Variants in SLC7A7 observed in about 807,000 individuals in gnomAD.
The protein encoded by SLC7A7 is Y+L amino acid transporter 1.
Under a neutral mutation model 47.9 loss-of-function variants are expected in SLC7A7, and 39 were observed. The observed-to-expected ratio is 0.81, with a 90% CI of 0.63 to 1.06. SLC7A7 has a LOEUF of 1.06. Among genes scored for constraint, SLC7A7 ranks in the 50% least tolerant of loss-of-function variants. The pLI, the probability that SLC7A7 is intolerant of heterozygous loss-of-function variation, is 0.00. For missense variants in SLC7A7, 588 were observed against 632.0 expected (o/e 0.93, Z 0.75); for synonymous variants, 234 against 242.8 (o/e 0.96, Z 0.34).
rs578101760 is a variant in SLC7A7, at chr14:22,782,847, C to G, written c.500-2796G>C. Among the ~76,000 whole-genome samples the G allele has an allele frequency of 2.6e-5, 4 of 151,852 alleles. No homozygotes were observed. The South Asian group carries it at 8.3e-4, about 32-fold the overall frequency. ...GAGAAATCATAGCTCACTGCAGCAT[C>G]GAACTCCTGAGCTCAAGGGATCCTC... On this transcript the variant is annotated intron_variant, in intron 2 of 9. Coordinates refer to ENST00000674313, the MANE Select transcript of SLC7A7 (RefSeq NM_003982.4).
intron 2 of SLC7A7, among the ~76,000 whole-genome samples, chr14:22,801,377 G>A (rs2039110574): frequency 6.6e-6 from 1 of 152,024 alleles, no homozygotes; most frequent in Non-Finnish European, 1.5e-5. Context: ...TCGCCATTCA[G>A]GTATCAGCTC....
At chr14:22,778,014 G>A (rs1381072062) in intron 4 of SLC7A7, among the ~76,000 whole-genome samples, 2 of 152,144 alleles carry the variant, frequency 1.3e-5, no homozygotes, top group African/African-American at 4.8e-5. Flanking sequence ...GGCAGAGGTT[G>A]CAATGAGCCA....
chr14:22,776,629 T>TG (rs770155672), intron 4 of SLC7A7, among the ~76,000 whole-genome samples: 13 of 152,016 alleles, frequency 8.6e-5, no homozygotes, highest in Non-Finnish European at 1.6e-4. Context: ...GTCTAGGAGT[T>TG]GGAGACCAGC....
At chr14:22,780,089 ACCAC>A in intron 2 of SLC7A7, 38 bp from the exon 3 acceptor site, 1 of 1,612,548 alleles carries the variant, frequency 6.2e-7, no homozygotes, top group Non-Finnish European at 8.5e-7. Context: ...ACTTACCCTT[ACCAC>A]CCTAGGGCCT....
At chr14:22,811,355 G>C (rs937209009) in intron 2 of SLC7A7, among the ~76,000 whole-genome samples, 1 of 152,186 alleles carries the variant, frequency 6.6e-6, no homozygotes, top group Admixed American at 6.5e-5. Flanking sequence ...ACAGTTGCAG[G>C]GTGGAAGGCA....
At chr14:22,792,775 T>C (rs1312785351) in intron 2 of SLC7A7, among the ~76,000 whole-genome samples, 2 of 150,162 alleles carry the variant, frequency 1.3e-5, no homozygotes, top group African/African-American at 2.4e-5. Flanking sequence ...GAGAATCATT[T>C]TGAACCCAGG....
rs1954449334 is a variant in SLC7A7 at position 22,774,363 on chromosome 14, A to G, written c.1236T>C (p.Arg412=). The change falls in exon 8 of 10, where the codon CGT becomes CGC. Residue 412 remains arginine (R), a synonymous_variant. Coordinates refer to ENST00000674313, the MANE Select transcript of SLC7A7 (RefSeq NM_003982.4). ...GATGGAGTTGCCTTACCTTGAGGGG[A>G]CGAGGTCGATCAGGCTCCTTCCAGC... The part of the protein sequence containing the change: ...YLRWKEPDRP[R]PLKLSVFFPI... 6.2e-7 allele frequency: 1 copy of G among 1,614,100 alleles called. No individual in the cohort carries two copies. Among genetic ancestry groups the G allele is most frequent in the East Asian group, 2.2e-5 (1 of 44,880 alleles).
chr14:22,786,058 C>T (rs1277959773), intron 2 of SLC7A7, among the ~76,000 whole-genome samples: 3 of 148,300 alleles, frequency 2.0e-5, no homozygotes, highest in Non-Finnish European at 4.5e-5. Context: ...CAGTGGCTCA[C>T]GCCTGTAATC....
chr14:22,786,966 G>A (rs1018485570), intron 2 of SLC7A7, among the ~76,000 whole-genome samples: 15 of 152,232 alleles, frequency 9.9e-5, no homozygotes, highest in African/African-American at 3.6e-4. Context: ...TTTCCCCCCA[G>A]ATACAGGACT....
chr14:22,774,180 C>T (rs2038544473), intron 8 of SLC7A7, 64 bp from the exon 9 acceptor site: 1 of 1,598,404 alleles, frequency 6.3e-7, no homozygotes, highest in African/African-American at 1.3e-5. Context: ...AAAATAACCC[C>T]ACCTCCCATA....
chr14:22,813,470 T>G (rs2039355912), intron 1 of SLC7A7, 30 bp from the exon 2 acceptor site: 1 of 1,588,966 alleles, frequency 6.3e-7, no homozygotes, highest in East Asian at 2.2e-5. Flanking sequence ...TGCTATAGAT[T>G]AGGTGGTTGG....
rs531862402 is a variant in SLC7A7 at position 22,775,438 on chromosome 14, A to G, written c.1095+6T>C. 1.4e-4 allele frequency: 229 copies of G among 1,612,026 alleles called. 1 individual carries two copies. In the South Asian group the frequency reaches 2.2e-3, roughly 15 times the overall value. ...GGCTTTCAGTCTCATCCTTGAGTTCACTTACATTGAAGAGCAGAGAAGGCA... is the reference window on the plus strand; with the variant it reads ...GGCTTTCAGTCTCATCCTTGAGTTCGCTTACATTGAAGAGCAGAGAAGGCA... On this transcript the variant is annotated splice_donor_region_variant and intron_variant, in intron 7 of 9. Coordinates refer to ENST00000674313, the MANE Select transcript of SLC7A7 (RefSeq NM_003982.4).
intron 2 of SLC7A7, chr14:22,780,619 A>C (rs2038702053): frequency 6.2e-6 from 1 of 160,296 alleles, no homozygotes; most frequent in South Asian, 1.7e-4. Context: ...AGATTCTTGC[A>C]GCTAAGAGTG....
upstream of SLC7A7, among the ~76,000 whole-genome samples, chr14:22,818,481 G>A (rs996402301): frequency 6.6e-6 from 1 of 152,034 alleles, no homozygotes; most frequent in Non-Finnish European, 1.5e-5. Context: ...CTGGGTCTTA[G>A]GGTAATGCTT....
intron 2 of SLC7A7, among the ~76,000 whole-genome samples, chr14:22,811,461 C>T (rs2039304316): frequency 6.6e-6 from 1 of 152,160 alleles, no homozygotes; most frequent in Non-Finnish European, 1.5e-5. Flanking sequence ...ATCTCAGCAC[C>T]TCCAATGGCT....
At chr14:22,773,853 T>G in intron 9 of SLC7A7, 80 bp downstream of exon 9, 4 of 1,588,168 alleles carry the variant, frequency 2.5e-6, no homozygotes, top group Non-Finnish European at 3.4e-6. Flanking sequence ...GGCAAAGATG[T>G]CTTTGGAGGC....
chr14:22,778,309 A>G (rs1315201015), intron 4 of SLC7A7, among the ~76,000 whole-genome samples: 1 of 152,104 alleles, frequency 6.6e-6, no homozygotes, highest in African/African-American at 2.4e-5. Flanking sequence ...TTCACTCTAT[A>G]TATAGACTAC....
chr14:22,773,744 G>C, intron 9 of SLC7A7, 28 bp from the exon 10 acceptor site: 1 of 1,607,954 alleles, frequency 6.2e-7, no homozygotes, highest in South Asian at 1.1e-5. Flanking sequence ...AGTTGGAATT[G>C]AGAAGAGGTC....
At position 22,813,354 on chromosome 14, in the gene SLC7A7, C is replaced by A. The variant is rs773754652; in HGVS notation, c.45G>T (p.Val15=). ...CCCCATCACCCAAAGGGGAGGTTTCCACCTCAGGCTGGGAGGCCACTTCAT... is the reference window on the plus strand; with the variant it reads ...CCCCATCACCCAAAGGGGAGGTTTCAACCTCAGGCTGGGAGGCCACTTCAT... ...TEYEVASQPE[V]ETSPLGDGAS... Residue 15 remains valine, a synonymous_variant, in exon 2 of 10, where the codon GTG becomes GTT. Coordinates refer to ENST00000674313, the MANE Select transcript of SLC7A7 (RefSeq NM_003982.4). The A allele has an allele frequency of 5.0e-6, 8 of 1,613,930 alleles. No homozygotes were observed. The highest frequency in any genetic ancestry group is 6.8e-6 in the Non-Finnish European group (8 of 1,180,040).
Sources: gnomAD v4.1 joint callset for allele counts (sites outside exome capture counted in the v4.1 genomes callset) on GRCh38, gnomAD v4.1.1 for gene constraint, MANE v1.5 for transcripts, NCBI Gene and HGNC (gene_info 2026-07-23, HGNC 2026-07-21) for gene names.